Variants in ANKS1B observed in about 807,000 individuals in gnomAD.
The protein encoded by ANKS1B is ankyrin repeat and sterile alpha motif domain-containing protein 1B.
A neutral mutation model predicts 148.3 loss-of-function variants in ANKS1B; 36 were observed. That is an observed-to-expected ratio of 0.24 (90% CI 0.19 to 0.32). ANKS1B has a LOEUF of 0.32. Ranked by LOEUF, ANKS1B falls within the 10% of genes least tolerant of loss-of-function variation. The pLI, the probability that ANKS1B is intolerant of heterozygous loss-of-function variation, is 1.00. For synonymous variants in ANKS1B, 542 were observed against 560.8 expected (o/e 0.97, Z 0.47); for missense variants, 1,157 against 1,542.6 (o/e 0.75, Z 4.19).
At chr12:99,602,900 T>C (rs544486323) in intron 9 of ANKS1B, among the ~76,000 whole-genome samples, 2 of 152,220 alleles carry the variant, frequency 1.3e-5, no homozygotes, top group East Asian at 3.9e-4. Context: ...AAGTGCACTA[T>C]AGTTTTCATC....
At chr12:99,818,862 A>G (rs1475185964) in intron 2 of ANKS1B, among the ~76,000 whole-genome samples, 1 of 151,870 alleles carries the variant, frequency 6.6e-6, no homozygotes, top group Non-Finnish European at 1.5e-5. Context: ...ATATAAATAC[A>G]CATCTGATTA....
chr12:99,378,459 T>C (rs550020958), intron 12 of ANKS1B, among the ~76,000 whole-genome samples: 33 of 151,914 alleles, frequency 2.2e-4, no homozygotes, highest in Admixed American at 1.7e-3. Flanking sequence ...ATCGAGACCA[T>C]CCTGGCCAAC....
chr12:99,057,360 A>G (rs2040563207), intron 16 of ANKS1B, among the ~76,000 whole-genome samples: 3 of 152,214 alleles, frequency 2.0e-5, no homozygotes, highest in Admixed American at 2.0e-4. Flanking sequence ...GCCCTAAATT[A>G]GACCCATGCT....
At chr12:99,350,771 C>T (rs2091319170) in intron 12 of ANKS1B, among the ~76,000 whole-genome samples, 1 of 151,992 alleles carries the variant, frequency 6.6e-6, no homozygotes, top group South Asian at 2.1e-4. Context: ...CACTCCAACC[C>T]CTCAAATGTA....
intron 11 of ANKS1B, among the ~76,000 whole-genome samples, chr12:99,420,355 G>T (rs1488416273): frequency 6.6e-6 from 1 of 152,146 alleles, no homozygotes; most frequent in Non-Finnish European, 1.5e-5. Flanking sequence ...TTAGTAGGTA[G>T]AATAAAGTTA....
intron 17 of ANKS1B, among the ~76,000 whole-genome samples, chr12:98,907,485 G>A (rs1596649533): frequency 6.6e-6 from 1 of 152,258 alleles, no homozygotes; most frequent in East Asian, 1.9e-4. Flanking sequence ...CACAACCACT[G>A]CTGCAATCAG....
chr12:98,817,245 C>A lies in ANKS1B; in HGVS notation c.3067-9327G>T, dbSNP rs561989253. Among the ~76,000 whole-genome samples the A allele has an allele frequency of 3.3e-5, 5 of 152,312 alleles. No individual in the cohort carries two copies. In the South Asian group the frequency reaches 1.0e-3, roughly 32 times the overall value. Reference sequence around the variant, plus strand: ...AAAGGCAGAAGAAAAAAGGGCATCCCAGCAAAGGAAGCCTTAGCCAATAGC... The same window carrying A: ...AAAGGCAGAAGAAAAAAGGGCATCCAAGCAAAGGAAGCCTTAGCCAATAGC... On this transcript the variant is annotated intron_variant, in intron 19 of 26. Coordinates refer to ENST00000683438, the MANE Select transcript of ANKS1B (RefSeq NM_001352186.2).
rs575095421 is a variant in ANKS1B at position 99,625,760 on chromosome 12, C to T, written c.1272+29307G>A. ...GGAAAAAGTCAAGAAGTAAAGAAAA[C>T]GTTCACAGGAGAGGATGAGAATATA... On this transcript the variant is annotated intron_variant, in intron 9 of 26. Transcript: ENST00000683438. Among the ~76,000 whole-genome samples the T allele has an allele frequency of 1.0e-3, 156 of 151,976 alleles. 2 individuals carry two copies. The highest frequency in any genetic ancestry group is 3.1e-3 in the African/African-American group (128 of 41,476).
At chr12:98,975,023 TCCC>T (rs1222861394) in intron 17 of ANKS1B, among the ~76,000 whole-genome samples, 1 of 90,862 alleles carries the variant, frequency 1.1e-5, no homozygotes, top group Non-Finnish European at 2.2e-5. Flanking sequence ...CTCCCTCCCC[TCCC>T]TTCCTTCCTT....
chr12:99,300,717 CT>C (rs2081479474), intron 12 of ANKS1B, among the ~76,000 whole-genome samples: 1 of 152,146 alleles, frequency 6.6e-6, no homozygotes, highest in Non-Finnish European at 1.5e-5. Flanking sequence ...TATAACTTCA[CT>C]TTTGCTTATT....
In ANKS1B at chr12:99,848,732, G is replaced by A. The variant is rs140785288; in HGVS notation, c.135-23343C>T. On this transcript the variant is annotated intron_variant, in intron 1 of 26. Coordinates refer to ENST00000683438, the MANE Select transcript of ANKS1B (RefSeq NM_001352186.2). ...CAGATTACAAGCCTAAATATTAAAG[G>A]GCAAAACAATAAAATTTCTAGAAGA... is the stretch of plus-strand genomic sequence containing the variant. Among the ~76,000 whole-genome samples the A allele has an allele frequency of 5.4e-3, 826 of 151,674 alleles. 10 individuals carry two copies. The highest frequency in any genetic ancestry group is 0.019 in the African/African-American group (779 of 41,354).
At chr12:98,810,132 C>T (rs898577610) in intron 19 of ANKS1B, among the ~76,000 whole-genome samples, 18 of 152,306 alleles carry the variant, frequency 1.2e-4, no homozygotes, top group Non-Finnish European at 1.6e-4. Flanking sequence ...ACCCTTAGCC[C>T]CTGCTCCACC....
intron 10 of ANKS1B, among the ~76,000 whole-genome samples, chr12:99,463,498 T>C (rs898162322): frequency 1.6e-4 from 24 of 152,152 alleles, no homozygotes; most frequent in Non-Finnish European, 2.5e-4. Context: ...ATTGCCTCAC[T>C]TGGGAAGTGC....
At chr12:98,879,601 CT>C (rs2099701312) in intron 17 of ANKS1B, among the ~76,000 whole-genome samples, 2 of 152,016 alleles carry the variant, frequency 1.3e-5, no homozygotes, top group Non-Finnish European at 2.9e-5. Context: ...TTTTTTTCCC[CT>C]CTCCTCCAAT....
At chr12:98,894,970 G>C in intron 17 of ANKS1B, 1 of 828,680 alleles carries the variant, frequency 1.2e-6, no homozygotes, top group African/African-American at 1.9e-5. Flanking sequence ...GCTCCACGCG[G>C]CGCGCGCCTG....
chr12:99,467,610 T>C (rs1428955827), intron 10 of ANKS1B, among the ~76,000 whole-genome samples: 1 of 152,150 alleles, frequency 6.6e-6, no homozygotes, highest in African/African-American at 2.4e-5. Context: ...ACAAAATCAA[T>C]GTACAAAAAT....
intron 14 of ANKS1B, among the ~76,000 whole-genome samples, chr12:99,171,775 T>C (rs2077789102): frequency 1.3e-5 from 2 of 152,192 alleles, no homozygotes; most frequent in Admixed American, 6.5e-5. Flanking sequence ...TTGTTTTCCC[T>C]TCTTTTAAGG....
chr12:99,497,668 A>G (rs1160564724), intron 10 of ANKS1B, among the ~76,000 whole-genome samples: 1 of 152,058 alleles, frequency 6.6e-6, no homozygotes, highest in Non-Finnish European at 1.5e-5. Context: ...TAACTTGATT[A>G]TCTTTACAAT....
At chr12:99,866,002 T>C (rs1054748117) in intron 1 of ANKS1B, among the ~76,000 whole-genome samples, 1 of 152,068 alleles carries the variant, frequency 6.6e-6, no homozygotes, top group Non-Finnish European at 1.5e-5. Flanking sequence ...AAAATTTAAA[T>C]CTAAAGTGGA....
Sources: gnomAD v4.1 joint callset for allele counts (sites outside exome capture counted in the v4.1 genomes callset) on GRCh38, gnomAD v4.1.1 for gene constraint, MANE v1.5 for transcripts, NCBI Gene and HGNC (gene_info 2026-07-23, HGNC 2026-07-21) for gene names.